Variants in EBF1 observed in about 807,000 individuals in gnomAD.
The protein encoded by EBF1 is transcription factor COE1.
EBF1 carries 10 observed loss-of-function variants against 68.4 expected under a neutral mutation model. The ratio of observed to expected loss-of-function variants is 0.15; its 90% CI spans 0.09 to 0.25. EBF1 has a LOEUF of 0.25. Among genes scored for constraint, EBF1 ranks in the 10% least tolerant of loss-of-function variants. The pLI, the probability that EBF1 is intolerant of heterozygous loss-of-function variation, is 1.00. For missense variants in EBF1, 509 were observed against 794.4 expected, an observed-to-expected ratio of 0.64 and a Z score of 4.32; for synonymous variants, 298 against 299.8, an observed-to-expected ratio of 0.99 and a Z score of 0.06.
At chr5:158,993,443 G>A (rs1760783072) in intron 6 of EBF1, among the ~76,000 whole-genome samples, 1 of 152,090 alleles carries the variant, frequency 6.6e-6, no homozygotes, top group African/African-American at 2.4e-5. Flanking sequence ...ATTATCAAGG[G>A]GGAAAAGTTT....
At chr5:159,064,945 G>A (rs944462698) in intron 6 of EBF1, among the ~76,000 whole-genome samples, 25 of 125,624 alleles carry the variant, frequency 2.0e-4, no homozygotes, top group Admixed American at 6.9e-4. Context: ...GAGTATGTGC[G>A]TGTGTGTATG....
At chr5:159,028,382 C>G (rs902123106) in intron 6 of EBF1, among the ~76,000 whole-genome samples, 1 of 152,080 alleles carries the variant, frequency 6.6e-6, no homozygotes, top group Non-Finnish European at 1.5e-5. Flanking sequence ...ATCAACATAC[C>G]AAGCAATTGT....
chr5:158,801,201 T>C (rs1780520112), intron 8 of EBF1, among the ~76,000 whole-genome samples: 1 of 152,118 alleles, frequency 6.6e-6, no homozygotes, highest in Non-Finnish European at 1.5e-5. Context: ...CATGGCACAT[T>C]GCAGAGTTAA....
intron 10 of EBF1, among the ~76,000 whole-genome samples, chr5:158,765,328 G>T (rs1285690738): frequency 6.6e-6 from 1 of 152,174 alleles, no homozygotes; most frequent in Non-Finnish European, 1.5e-5. Flanking sequence ...CAAGCTCAAA[G>T]AGTCATCCTG....
At chr5:158,941,201 T>C (rs1411470999) in intron 6 of EBF1, 1 of 455,828 alleles carries the variant, frequency 2.2e-6, no homozygotes, top group African/African-American at 2.0e-5. Context: ...AAAGAGACAC[T>C]CATTCCAGAC....
intron 6 of EBF1, among the ~76,000 whole-genome samples, chr5:158,914,397 G>A (rs575581901): frequency 1.3e-5 from 2 of 152,284 alleles, no homozygotes; most frequent in East Asian, 3.9e-4. Flanking sequence ...ATTTTTCACT[G>A]GAGGGGAAAG....
chr5:158,712,743 C>G (rs1759685937), intron 13 of EBF1, among the ~76,000 whole-genome samples: 1 of 152,100 alleles, frequency 6.6e-6, no homozygotes, highest in Non-Finnish European at 1.5e-5. Context: ...GGTGAAAAGT[C>G]AAATGTAGAG....
intron 10 of EBF1, among the ~76,000 whole-genome samples, chr5:158,775,477 A>G (rs1003204496): frequency 1.3e-5 from 2 of 151,822 alleles, no homozygotes; most frequent in African/African-American, 2.4e-5. Context: ...CCACACAAGC[A>G]TTTTCTTCTT....
chr5:159,039,078 C>T (rs943721076), intron 6 of EBF1, among the ~76,000 whole-genome samples: 1 of 152,184 alleles, frequency 6.6e-6, no homozygotes, highest in African/African-American at 2.4e-5. Flanking sequence ...AATCCATTTA[C>T]TCAATCTGCT....
intron 10 of EBF1, among the ~76,000 whole-genome samples, chr5:158,767,974 G>A (rs1392364999): frequency 6.6e-6 from 1 of 152,150 alleles, no homozygotes; most frequent in African/African-American, 2.4e-5. Context: ...GTCCCGGGAA[G>A]CAGGGGAGCA....
At chr5:158,839,663 A>G (rs1789717585) in intron 7 of EBF1, among the ~76,000 whole-genome samples, 1 of 152,214 alleles carries the variant, frequency 6.6e-6, no homozygotes, top group Non-Finnish European at 1.5e-5. Flanking sequence ...GATTACAGGC[A>G]TGAGCCACTG....
chr5:158,775,412 C>T (rs1209881638), intron 10 of EBF1, among the ~76,000 whole-genome samples: 1 of 152,006 alleles, frequency 6.6e-6, no homozygotes, highest in African/African-American at 2.4e-5. Flanking sequence ...CATTAATGGG[C>T]AGGGACGTTG....
chr5:158,734,011 C>G (rs944568721), intron 10 of EBF1, among the ~76,000 whole-genome samples: 1 of 152,092 alleles, frequency 6.6e-6, no homozygotes, highest in Non-Finnish European at 1.5e-5. Context: ...AAGGCACCCG[C>G]ATGGAATAGA....
intron 6 of EBF1, among the ~76,000 whole-genome samples, chr5:159,039,639 C>A (rs1178442655): frequency 1.3e-5 from 2 of 152,140 alleles, no homozygotes; most frequent in Non-Finnish European, 2.9e-5. Flanking sequence ...TTTGGAGTTC[C>A]CCATTTCAGA....
intron 5 of EBF1, among the ~76,000 whole-genome samples, chr5:159,076,819 C>T (rs1333783304): frequency 6.6e-6 from 1 of 152,148 alleles, no homozygotes; most frequent in Non-Finnish European, 1.5e-5. Context: ...TACACACACA[C>T]ATACATATGT....
chr5:158,706,218 T>G (rs1345438628), intron 15 of EBF1, among the ~76,000 whole-genome samples: 1 of 151,286 alleles, frequency 6.6e-6, no homozygotes, highest in Admixed American at 6.6e-5. Context: ...CTCTTTCCTC[T>G]AAGAAGATGG....
intron 8 of EBF1, among the ~76,000 whole-genome samples, chr5:158,804,856 T>C (rs553874453): frequency 1.3e-5 from 2 of 152,212 alleles, no homozygotes; most frequent in East Asian, 3.9e-4. Context: ...CACCTCTTAT[T>C]CTATGACTGT....
At chr5:159,088,326 T>C (rs1047412086) in intron 4 of EBF1, among the ~76,000 whole-genome samples, 1 of 152,090 alleles carries the variant, frequency 6.6e-6, no homozygotes, top group Non-Finnish European at 1.5e-5. Context: ...GCCCTAAAGT[T>C]CTCCCTGCAG....
intron 6 of EBF1, among the ~76,000 whole-genome samples, chr5:158,897,507 AC>A (rs1802404455): frequency 6.6e-6 from 1 of 151,834 alleles, no homozygotes; most frequent in African/African-American, 2.4e-5. Flanking sequence ...TGTACAACAA[AC>A]CCCCATGACA....
Sources: gnomAD v4.1 joint callset for allele counts (sites outside exome capture counted in the v4.1 genomes callset) on GRCh38, gnomAD v4.1.1 for gene constraint, MANE v1.5 for transcripts, NCBI Gene and HGNC (gene_info 2026-07-23, HGNC 2026-07-21) for gene names.